The following ARL6 variants were observed in gnomAD, a reference collection of about 807,000 sequenced individuals.
ARL6 encodes the protein ARF like GTPase 6.
ARL6 carries 18 observed loss-of-function variants against 27.1 expected under a neutral mutation model. The ratio of observed to expected loss-of-function variants is 0.66; its 90% CI spans 0.46 to 0.98. The LOEUF is 0.98. ARL6 is among the 50% of genes least tolerant of loss of function. The pLI is 0.00. For missense variants in ARL6, 187 were observed against 214.9 expected (o/e 0.87, Z 0.81); for synonymous variants, 65 against 72.3 (o/e 0.90, Z 0.51).
chr3:97,771,328 A>G (rs940666796), intron 2 of ARL6, among the ~76,000 whole-genome samples: 38 of 152,156 alleles, frequency 2.5e-4, no homozygotes, highest in Middle Eastern at 3.4e-3. Context: ...TTCTTGGTGT[A>G]TATAAATGCT....
intron 4 of ARL6, among the ~76,000 whole-genome samples, chr3:97,781,253 AT>A (rs2037183669): frequency 6.6e-6 from 1 of 150,534 alleles, no homozygotes; most frequent in African/African-American, 2.5e-5. Flanking sequence ...CAGTTGATCC[AT>A]TGTTCTATGA....
chr3:97,790,272 G>A (rs1287659131), intron 6 of ARL6, among the ~76,000 whole-genome samples: 1 of 152,092 alleles, frequency 6.6e-6, no homozygotes, highest in Non-Finnish European at 1.5e-5. Flanking sequence ...TTCATGTGAA[G>A]GTTTGGAGGA....
In ARL6 at chr3:97,800,205, T is replaced by C. The variant is rs2038191939; in HGVS notation, c.*2156T>C. ...GTTTTCATGATCTCCAAAATCTAGT[T>C]TTTAGTCTATAAACATCCATCCCTA... On this transcript the variant is annotated 3_prime_UTR_variant, in exon 8 of 8. Transcript: ENST00000463745. 1 of 152,088 alleles carries C rather than the reference T, an allele frequency of 6.6e-6. No homozygotes were observed. The highest frequency in any genetic ancestry group is 6.6e-5 in the Admixed American group (1 of 15,256). 9.4% of individuals were successfully genotyped at this position (152,088 alleles called of 1,614,324 possible).
intron 1 of ARL6, chr3:97,766,092 A>C (rs2107968370): frequency 6.6e-6 from 1 of 152,340 alleles, no homozygotes; most frequent in South Asian, 2.1e-4. Flanking sequence ...AATACAAGGT[A>C]CTGTGAAAAA....
intron 7 of ARL6, among the ~76,000 whole-genome samples, chr3:97,796,984 T>A (rs2038034378): frequency 6.6e-6 from 1 of 152,080 alleles, no homozygotes; most frequent in Non-Finnish European, 1.5e-5. Flanking sequence ...AGGAAAATCT[T>A]GGTACCAGCA....
At chr3:97,785,507 T>G (rs940431189) in intron 5 of ARL6, among the ~76,000 whole-genome samples, 8 of 150,878 alleles carry the variant, frequency 5.3e-5, no homozygotes, top group Non-Finnish European at 1.0e-4. Flanking sequence ...TATATATATA[T>G]CTCCCAAAAA....
chr3:97,765,004 G>A (rs1275249857), intron 1 of ARL6, 27 bp downstream of exon 1: 2 of 151,990 alleles, frequency 1.3e-5, no homozygotes, highest in Non-Finnish European at 2.9e-5. Context: ...GGTTTTTAAA[G>A]CCAGCGCCAC....
intron 2 of ARL6, among the ~76,000 whole-genome samples, chr3:97,771,963 A>G (rs114733393): frequency 0.013 from 2,034 of 152,172 alleles, 45 homozygotes; most frequent in African/African-American, 0.047. Context: ...TTTTGCATCT[A>G]TGTTCATGAG....
Position 97,798,159 on chromosome 3 carries a change from C to A in ARL6, c.*110C>A. The A allele has an allele frequency of 8.5e-7, 1 of 1,178,190 alleles. No homozygotes were observed. Among genetic ancestry groups the A allele is most frequent in the Non-Finnish European group, 1.3e-6 (1 of 794,528 alleles). 73.0% of individuals were successfully genotyped at this position (1,178,190 alleles called of 1,614,324 possible). Reference sequence around the variant, plus strand: ...ATGCATCAAAAAATATAATTTTCTGCTTGCATTTATGGACTCTGACCTTTT... The same window carrying A: ...ATGCATCAAAAAATATAATTTTCTGATTGCATTTATGGACTCTGACCTTTT... On this transcript the variant is annotated 3_prime_UTR_variant, in exon 8 of 8. Transcript: ENST00000463745.
At chr3:97,775,045 G>A (rs983148325) in intron 2 of ARL6, among the ~76,000 whole-genome samples, 6 of 152,098 alleles carry the variant, frequency 3.9e-5, no homozygotes, top group Non-Finnish European at 7.4e-5. Flanking sequence ...TAAACAGTTC[G>A]TGCCAAGGAC....
chr3:97,791,829 A>G lies in ARL6; in HGVS notation c.535+3A>G. The stretch of plus-strand genomic sequence containing the variant: ...AGAAGGTGTAGACTGGCTTCAAGGT[A>G]CATTACAAAATACTGTGTGTCTTCA... On this transcript the variant is annotated splice_donor_region_variant and intron_variant, in intron 7 of 7. Coordinates refer to ENST00000463745, the MANE Select transcript of ARL6 (RefSeq NM_001278293.3). 1 of 1,612,530 alleles carries G rather than the reference A, an allele frequency of 6.2e-7. No homozygotes were observed. The highest frequency in any genetic ancestry group is 8.5e-7 in the Non-Finnish European group (1 of 1,178,840).
In ARL6 at chr3:97,799,508, G is replaced by C. The variant is rs969044601; in HGVS notation, c.*1459G>C. 1.3e-5 allele frequency: 2 copies of C among 151,994 alleles called. No homozygotes were observed. The highest frequency in any genetic ancestry group is 2.9e-5 in the Non-Finnish European group (2 of 67,922). The allele number at this position is 151,994 out of a possible 1,614,324, so 9.4% of individuals were successfully genotyped here. On this transcript the variant is annotated 3_prime_UTR_variant, in exon 8 of 8. Transcript: ENST00000463745. ...GCTGCAGATATAGGAAGGACATAAGGATGGAAACAATGAATGTAATTTTTT... is the reference window on the plus strand; with the variant it reads ...GCTGCAGATATAGGAAGGACATAAGCATGGAAACAATGAATGTAATTTTTT...
chr3:97,798,270 T>C lies in ARL6; in HGVS notation c.*221T>C, dbSNP rs1187678568. On this transcript the variant is annotated 3_prime_UTR_variant, in exon 8 of 8. Transcript: ENST00000463745. The stretch of plus-strand genomic sequence containing the variant: ...CCCTCAAAAGGGCTCCCTAGAATTA[T>C]CAAGTTCTTAGTGAAGGTCTACATT... 3.7e-6 allele frequency: 2 copies of C among 540,006 alleles called. No individual in the cohort carries two copies. The highest frequency in any genetic ancestry group is 3.0e-5 in the East Asian group (1 of 33,202). 33.5% of individuals were successfully genotyped at this position (540,006 alleles called of 1,614,324 possible). A position where few individuals can be genotyped will look rare whatever the true frequency, so the allele number is the denominator to read the frequency against.
At position 97,799,096 on chromosome 3, in the gene ARL6, C is replaced by T. The variant is rs1289585193; in HGVS notation, c.*1047C>T. The T allele has an allele frequency of 6.6e-6, 1 of 151,972 alleles. No homozygotes were observed. The highest frequency in any genetic ancestry group is 1.5e-5 in the Non-Finnish European group (1 of 67,894). The allele number at this position is 151,972 out of a possible 1,614,324, so 9.4% of individuals were successfully genotyped here. Reference sequence around the variant, plus strand: ...TCTAAATAGAAACCTTCATTTTAATCACTGAGCAACAGTATATAGAGCAAT... The same window carrying T: ...TCTAAATAGAAACCTTCATTTTAATTACTGAGCAACAGTATATAGAGCAAT... On this transcript the variant is annotated 3_prime_UTR_variant, in exon 8 of 8. Coordinates refer to ENST00000463745, the MANE Select transcript of ARL6 (RefSeq NM_001278293.3).
At chr3:97,769,881 G>A (rs1477699308) in intron 2 of ARL6, among the ~76,000 whole-genome samples, 4 of 151,958 alleles carry the variant, frequency 2.6e-5, no homozygotes, top group African/African-American at 9.7e-5. Flanking sequence ...CTTTTTTATG[G>A]CTGAATAATA....
At chr3:97,786,442 C>T (rs988830789) in intron 5 of ARL6, among the ~76,000 whole-genome samples, 2 of 152,066 alleles carry the variant, frequency 1.3e-5, no homozygotes, top group South Asian at 4.1e-4. Context: ...AAAAGTGTTT[C>T]AGTGTTGAGC....
At chr3:97,791,858 T>C in intron 7 of ARL6, 32 bp downstream of exon 7, 2 of 1,577,872 alleles carry the variant, frequency 1.3e-6, no homozygotes, top group Middle Eastern at 3.3e-4. Context: ...GTCTTCAGCC[T>C]TTGTTTCCTT....
intron 7 of ARL6, among the ~76,000 whole-genome samples, chr3:97,795,337 C>G (rs1047054440): frequency 3.3e-5 from 5 of 152,118 alleles, no homozygotes; most frequent in Non-Finnish European, 7.4e-5. Context: ...TCCCAAATAA[C>G]TAATAAAGTG....
rs138581371 is a variant in ARL6, at chr3:97,771,836, T to A, written c.123+3606T>A. ...ATACTATTAATCTTATGGGCTCATATATTGATTTGTGTATGTTGAACCATC... is the reference window on the plus strand; with the variant it reads ...ATACTATTAATCTTATGGGCTCATAAATTGATTTGTGTATGTTGAACCATC... On this transcript the variant is annotated intron_variant, in intron 2 of 7. Coordinates refer to ENST00000463745, the MANE Select transcript of ARL6 (RefSeq NM_001278293.3). Among the ~76,000 whole-genome samples, 6 of 152,312 alleles carry A rather than the reference T, an allele frequency of 3.9e-5. No homozygotes were observed. In the East Asian group the frequency reaches 1.2e-3, roughly 29 times the overall value.
Sources: gnomAD v4.1 joint callset for allele counts (sites outside exome capture counted in the v4.1 genomes callset) on GRCh38, gnomAD v4.1.1 for gene constraint, MANE v1.5 for transcripts, NCBI Gene and HGNC (gene_info 2026-07-23, HGNC 2026-07-21) for gene names.